The following AVL9 variants were observed in gnomAD, a reference collection of about 807,000 sequenced individuals.
The protein encoded by AVL9 is late secretory pathway protein AVL9 homolog.
In AVL9, 49 loss-of-function variants were observed where a neutral mutation model predicts 79.2. That is an observed-to-expected ratio of 0.62 (90% CI 0.49 to 0.79). The LOEUF (loss-of-function observed/expected upper bound fraction) is 0.79. Ranked by LOEUF, AVL9 falls within the 30% of genes least tolerant of loss-of-function variation. The pLI, the probability that AVL9 is intolerant of heterozygous loss-of-function variation, is 0.00. For synonymous variants in AVL9, 299 were observed against 280.6 expected (o/e 1.07, Z -0.65); for missense variants, 682 against 776.8 (o/e 0.88, Z 1.45).
At chr7:32,529,604 G>A (rs1397232629) in intron 1 of AVL9, among the ~76,000 whole-genome samples, 1 of 152,158 alleles carries the variant, frequency 6.6e-6, no homozygotes, top group Non-Finnish European at 1.5e-5. Context: ...CTTGCTCTGG[G>A]TTACATAGCT....
intron 11 of AVL9, among the ~76,000 whole-genome samples, chr7:32,571,378 A>C (rs1404203371): frequency 6.6e-6 from 1 of 151,766 alleles, no homozygotes; most frequent in Non-Finnish European, 1.5e-5. Context: ...AAATACAAAA[A>C]TTAGCTGGGC....
At chr7:32,558,406 C>G (rs1221605699) in intron 8 of AVL9, among the ~76,000 whole-genome samples, 153 bp from the exon 9 acceptor site, 1 of 150,792 alleles carries the variant, frequency 6.6e-6, no homozygotes, top group Non-Finnish European at 1.5e-5. Context: ...TCCACCCACC[C>G]CGGCCTCCCA....
chr7:32,514,495 A>G (rs533885984), intron 1 of AVL9, among the ~76,000 whole-genome samples: 101 of 152,368 alleles, frequency 6.6e-4, no homozygotes, highest in African/African-American at 2.4e-3. Context: ...GTATATGCCC[A>G]GATGGCCTAA....
chr7:32,519,851 TG>T lies in AVL9; in HGVS notation c.94-23287del, dbSNP rs528013708. On this transcript the variant is annotated intron_variant, in intron 1 of 15. Coordinates refer to ENST00000318709, the MANE Select transcript of AVL9 (RefSeq NM_015060.3). Reference sequence around the variant, plus strand: ...CTGCAGGCTGTACAGGAAGCATGAATGGGAGGCCTCAGGAAACTTACAATCA... The same window carrying T: ...CTGCAGGCTGTACAGGAAGCATGAATGGAGGCCTCAGGAAACTTACAATCA... 1.8e-4 allele frequency among the ~76,000 whole-genome samples: 28 copies of T among 152,270 alleles called. No homozygotes were observed. In the South Asian group the frequency reaches 5.4e-3, roughly 29 times the overall value.
intron 12 of AVL9, among the ~76,000 whole-genome samples, chr7:32,574,547 AGGCTGT>A (rs1790997975): frequency 6.6e-6 from 1 of 152,158 alleles, no homozygotes; most frequent in Non-Finnish European, 1.5e-5. Flanking sequence ...TTTGCCCAGG[AGGCTGT>A]AAGCACTGAA....
intron 10 of AVL9, among the ~76,000 whole-genome samples, chr7:32,567,115 GT>G (rs1259773131): frequency 6.6e-6 from 1 of 151,990 alleles, no homozygotes; most frequent in East Asian, 1.9e-4. Flanking sequence ...TTGTTTGTTT[GT>G]TTTTGAGATA....
At chr7:32,560,322 C>T (rs895157575) in intron 10 of AVL9, among the ~76,000 whole-genome samples, 2 of 151,134 alleles carry the variant, frequency 1.3e-5, no homozygotes, top group African/African-American at 2.4e-5. Context: ...AAGTGAAGTA[C>T]AATTAATTAT....
chr7:32,522,219 A>G (rs1175334650), intron 1 of AVL9, among the ~76,000 whole-genome samples: 1 of 152,184 alleles, frequency 6.6e-6, no homozygotes, highest in African/African-American at 2.4e-5. Flanking sequence ...TAGACCCCAG[A>G]ATGGTAGATC....
At chr7:32,501,559 C>T (rs890270201) in intron 1 of AVL9, among the ~76,000 whole-genome samples, 12 of 152,246 alleles carry the variant, frequency 7.9e-5, no homozygotes, top group Middle Eastern at 6.8e-3. Flanking sequence ...TCTGACTTAG[C>T]AGGGCTGCAG....
intron 10 of AVL9, 87 bp downstream of exon 10, chr7:32,559,551 C>A: frequency 7.2e-7 from 1 of 1,383,352 alleles, no homozygotes; most frequent in Non-Finnish European, 9.6e-7. Context: ...GTATTCAACA[C>A]ATTTTCAGGT....
intron 1 of AVL9, among the ~76,000 whole-genome samples, chr7:32,542,385 C>CA (rs567774011): frequency 0.07 from 6,376 of 90,542 alleles, 405 homozygotes; most frequent in African/African-American, 0.18. Context: ...AGTAAAAATA[C>CA]AAAAAAAAAA....
chr7:32,580,089 C>T lies in AVL9; in HGVS notation c.1689-130C>T, dbSNP rs148772506. The T allele has an allele frequency of 3.7e-3, 2,522 of 679,622 alleles. 37 individuals are homozygous for T. Among genetic ancestry groups the T allele is most frequent in the African/African-American group, 0.036 (1,966 of 53,990 alleles). 42.1% of individuals were successfully genotyped at this position (679,622 alleles called of 1,614,324 possible). The stretch of plus-strand genomic sequence containing the variant: ...GAGCTGTGACCAAAGCCAAGTTTCC[C>T]GATACCAAACACAGCACTACCACCC... On this transcript the variant is annotated intron_variant, in intron 13 of 15. Transcript: ENST00000318709.
At chr7:32,565,666 C>A (rs937055741) in intron 10 of AVL9, among the ~76,000 whole-genome samples, 1 of 151,930 alleles carries the variant, frequency 6.6e-6, no homozygotes, top group South Asian at 2.1e-4. Context: ...AAATTTGAGA[C>A]CAGCCTGAGC....
At chr7:32,573,459 T>C in intron 12 of AVL9, 41 bp downstream of exon 12, 2 of 1,537,484 alleles carry the variant, frequency 1.3e-6, no homozygotes, top group East Asian at 2.3e-5. Flanking sequence ...TGTTTTATTA[T>C]AATTTTTCAT....
chr7:32,546,742 G>T (rs1789527255), intron 3 of AVL9, among the ~76,000 whole-genome samples: 1 of 152,040 alleles, frequency 6.6e-6, no homozygotes, highest in Admixed American at 6.6e-5. Flanking sequence ...AGAACTGCTT[G>T]AACCCAGGAG....
intron 11 of AVL9, 79 bp from the exon 12 acceptor site, chr7:32,573,120 C>A: frequency 5.5e-6 from 6 of 1,100,732 alleles, no homozygotes; most frequent in East Asian, 2.5e-5. Context: ...CTCCACCTTC[C>A]CCGTAGTTAC....
At chr7:32,518,924 A>C (rs1383894322) in intron 1 of AVL9, among the ~76,000 whole-genome samples, 1 of 152,230 alleles carries the variant, frequency 6.6e-6, no homozygotes, top group African/African-American at 2.4e-5. Flanking sequence ...AGAAGTTTTT[A>C]ATTTTTAAAT....
rs1790212732 is a variant in AVL9 at position 32,559,068 on chromosome 7, C to G, written c.819C>G (p.Asn273Lys). The change falls in exon 10 of 16, where the codon AAC becomes AAG. Residue 273 changes from asparagine (N) to lysine (K), a missense_variant. Transcript: ENST00000318709. The stretch of plus-strand genomic sequence containing the variant: ...CCACTGCTGATGTTTCACATACCAA[C>G]TTGGGAACTATCAGGAAAGTCATGG... ...SASTADVSHT[N>K]LGTIRKVMAG... 6.2e-7 allele frequency: 1 copy of G among 1,614,134 alleles called. No homozygotes were observed. Among genetic ancestry groups the G allele is most frequent in the East Asian group, 2.2e-5 (1 of 44,884 alleles).
Position 32,575,950 on chromosome 7 carries a change from G to T in AVL9, c.1571-5G>T. ...CTCAACTTCTTTCAAACATTTACTT[G>T]ACAGACAATGAAAAGATATTATCGG... On this transcript the variant is annotated splice_polypyrimidine_tract_variant and splice_region_variant and intron_variant, in intron 12 of 15. Transcript: ENST00000318709. The T allele has an allele frequency of 6.3e-7, 1 of 1,586,390 alleles. No homozygotes were observed. Among genetic ancestry groups the T allele is most frequent in the South Asian group, 1.1e-5 (1 of 90,432 alleles).
Sources: allele counts gnomAD v4.1 joint callset (sites outside exome capture counted in the v4.1 genomes callset), GRCh38; gene constraint gnomAD v4.1.1; transcripts MANE v1.5; gene names NCBI Gene and HGNC (gene_info 2026-07-23, HGNC 2026-07-21).